BTC: variants seen among roughly 807,000 people sequenced by gnomAD.
The protein encoded by BTC is betacellulin, also known as probetacellulin.
A neutral mutation model predicts 18.1 loss-of-function variants in BTC; 13 were observed. That is an observed-to-expected ratio of 0.72 (90% CI 0.47 to 1.14). BTC has a LOEUF of 1.14. BTC is among the 50% of genes most tolerant of loss of function. The pLI is 0.00. For missense variants in BTC, 247 were observed against 224.2 expected (o/e 1.10, Z -0.65); for synonymous variants, 83 against 79.4 (o/e 1.05, Z -0.24).
At chr4:74,774,869 G>C (rs1000267510) in intron 1 of BTC, among the ~76,000 whole-genome samples, 1 of 151,828 alleles carries the variant, frequency 6.6e-6, no homozygotes, top group African/African-American at 2.4e-5. Flanking sequence ...TTTAATATCA[G>C]CATGGGTGAT....
chr4:74,767,888 G>A (rs943074632), intron 2 of BTC, among the ~76,000 whole-genome samples: 5 of 151,988 alleles, frequency 3.3e-5, no homozygotes, highest in Non-Finnish European at 7.4e-5. Flanking sequence ...ACTCAAAATG[G>A]ACTGAAGACT....
chr4:74,751,200 C>A (rs1342698272), intron 3 of BTC, among the ~76,000 whole-genome samples: 1 of 152,180 alleles, frequency 6.6e-6, no homozygotes, highest in Non-Finnish European at 1.5e-5. Flanking sequence ...AAGTTCATAA[C>A]ACAATGTTCC....
chr4:74,794,343 G>T lies in BTC; in HGVS notation c.-18C>A. 6.5e-7 allele frequency: 1 copy of T among 1,540,204 alleles called. No individual in the cohort carries two copies. Reference sequence around the variant, plus strand: ...CGGTCCATCAACCCCGCTCTGCCGGGCCGGGCAGCCCCTAGACAAGTCTCC... The same window carrying T: ...CGGTCCATCAACCCCGCTCTGCCGGTCCGGGCAGCCCCTAGACAAGTCTCC... On this transcript the variant is annotated 5_prime_UTR_variant, in exon 1 of 6. Coordinates refer to ENST00000395743, the MANE Select transcript of BTC (RefSeq NM_001729.4).
At chr4:74,765,978 G>A (rs947737466) in intron 2 of BTC, among the ~76,000 whole-genome samples, 2 of 152,068 alleles carry the variant, frequency 1.3e-5, no homozygotes, top group African/African-American at 4.8e-5. Context: ...TTATTGCTCT[G>A]AGGCTACAAA....
At chr4:74,791,219 G>A (rs1479735080) in intron 1 of BTC, among the ~76,000 whole-genome samples, 1 of 152,186 alleles carries the variant, frequency 6.6e-6, no homozygotes, top group Non-Finnish European at 1.5e-5. Flanking sequence ...GCGAGTGCCT[G>A]TTGTCCCAGC....
chr4:74,770,403 G>A (rs1368666337), intron 1 of BTC, among the ~76,000 whole-genome samples: 1 of 152,118 alleles, frequency 6.6e-6, no homozygotes, highest in African/African-American at 2.4e-5. Context: ...GAGGAAACTT[G>A]GTCATAGCTT....
chr4:74,780,070 C>G (rs937298818), intron 1 of BTC, among the ~76,000 whole-genome samples: 3 of 152,094 alleles, frequency 2.0e-5, no homozygotes, highest in Non-Finnish European at 4.4e-5. Flanking sequence ...ATGAGTAAAG[C>G]TGTTCAGCTG....
At chr4:74,794,193 G>T (rs1725709329) in intron 1 of BTC, 69 bp downstream of exon 1, 2 of 1,537,616 alleles carry the variant, frequency 1.3e-6, no homozygotes, top group Non-Finnish European at 8.8e-7. Context: ...TCGGTTCAGG[G>T]TTCGCCCTCC....
intron 1 of BTC, among the ~76,000 whole-genome samples, chr4:74,790,950 T>G (rs560702716): frequency 2.0e-4 from 30 of 152,284 alleles, no homozygotes; most frequent in Non-Finnish European, 2.9e-4. Context: ...TGAGCTTACA[T>G]GCTTTTTAAA....
chr4:74,765,107 A>G (rs1260083632), intron 2 of BTC, among the ~76,000 whole-genome samples: 2 of 150,900 alleles, frequency 1.3e-5, no homozygotes, highest in African/African-American at 2.5e-5. Flanking sequence ...CCAACACAGC[A>G]AGTTAAGAAA....
chr4:74,755,465 A>C (rs1240105161), intron 3 of BTC, among the ~76,000 whole-genome samples: 3 of 152,238 alleles, frequency 2.0e-5, no homozygotes, highest in Non-Finnish European at 4.4e-5. Context: ...TGACTCCTAC[A>C]AAAGTAGCTC....
intron 2 of BTC, among the ~76,000 whole-genome samples, chr4:74,756,321 T>C (rs1473270505): frequency 2.6e-5 from 4 of 151,880 alleles, no homozygotes; most frequent in Non-Finnish European, 5.9e-5. Context: ...AGAAGAGAGG[T>C]TTTTTGTTTG....
intron 2 of BTC, among the ~76,000 whole-genome samples, chr4:74,769,131 T>G (rs1724976292): frequency 6.6e-6 from 1 of 152,184 alleles, no homozygotes; most frequent in Admixed American, 6.5e-5. Flanking sequence ...AGGAGCAGTT[T>G]GCACCAAGTC....
intron 1 of BTC, among the ~76,000 whole-genome samples, chr4:74,785,463 G>A (rs896051919): frequency 6.6e-6 from 1 of 152,052 alleles, no homozygotes; most frequent in South Asian, 2.1e-4. Flanking sequence ...TCTTCTGCTA[G>A]CTTTGGGGTT....
At chr4:74,760,910 A>G (rs1378768328) in intron 2 of BTC, among the ~76,000 whole-genome samples, 2 of 151,906 alleles carry the variant, frequency 1.3e-5, no homozygotes, top group African/African-American at 4.8e-5. Flanking sequence ...AATTTTTTGT[A>G]TTTTTAGTAC....
At chr4:74,792,819 G>GC (rs1362390541) in intron 1 of BTC, among the ~76,000 whole-genome samples, 2 of 152,060 alleles carry the variant, frequency 1.3e-5, no homozygotes, top group Non-Finnish European at 2.9e-5. Flanking sequence ...CACTATTCCA[G>GC]CCCCCGCTGT....
chr4:74,778,320 T>G (rs1313098065), intron 1 of BTC, among the ~76,000 whole-genome samples: 1 of 152,126 alleles, frequency 6.6e-6, no homozygotes, highest in African/African-American at 2.4e-5. Context: ...AAAGAAACAC[T>G]CTAAAATCTG....
chr4:74,786,968 T>A (rs1725494082), intron 1 of BTC, among the ~76,000 whole-genome samples: 1 of 98,134 alleles, frequency 1.0e-5, no homozygotes. Flanking sequence ...AGAAATACAA[T>A]TTTTTTTTTT....
chr4:74,780,666 T>A (rs924668269), intron 1 of BTC, among the ~76,000 whole-genome samples: 1 of 152,158 alleles, frequency 6.6e-6, no homozygotes, highest in African/African-American at 2.4e-5. Flanking sequence ...TCATCCTTAT[T>A]TTAATAGATG....
Sources: gnomAD v4.1 joint callset for allele counts (sites outside exome capture counted in the v4.1 genomes callset) on GRCh38, gnomAD v4.1.1 for gene constraint, MANE v1.5 for transcripts, NCBI Gene and HGNC (gene_info 2026-07-23, HGNC 2026-07-21) for gene names.